The following GLI3 variants were observed in gnomAD, a reference collection of about 807,000 sequenced individuals.
GLI3 encodes transcription activator GLI3.
In GLI3, 20 loss-of-function variants were observed where a neutral mutation model predicts 100.8. The ratio of observed to expected loss-of-function variants is 0.20; its 90% CI spans 0.14 to 0.29. The LOEUF is 0.29. Among genes scored for constraint, GLI3 ranks in the 10% least tolerant of loss-of-function variants. GLI3 has a pLI of 1.00. For synonymous variants in GLI3, 938 were observed against 860.5 expected (o/e 1.09, Z -1.58); for missense variants, 2,040 against 2,128.5 (o/e 0.96, Z 0.82).
intron 3 of GLI3, among the ~76,000 whole-genome samples, chr7:42,129,115 A>G (rs1480346493): frequency 6.6e-6 from 1 of 152,248 alleles, no homozygotes; most frequent in Non-Finnish European, 1.5e-5. Context: ...GTACCAAAGA[A>G]TAAAATTTAC....
intron 3 of GLI3, among the ~76,000 whole-genome samples, chr7:42,082,403 C>G (rs1328372726): frequency 6.6e-6 from 1 of 152,118 alleles, no homozygotes. Flanking sequence ...TGACACGGCA[C>G]CAGAAATGAG....
chr7:42,055,052 C>T (rs10256446), intron 4 of GLI3, among the ~76,000 whole-genome samples: 37,851 of 128,942 alleles, frequency 0.29, 5,483 homozygotes, highest in African/African-American at 0.33. Flanking sequence ...TATATATATA[C>T]ACACACATAT....
chr7:42,173,467 T>G (rs1477846067), intron 2 of GLI3, among the ~76,000 whole-genome samples: 3 of 152,184 alleles, frequency 2.0e-5, no homozygotes, highest in Non-Finnish European at 4.4e-5. Flanking sequence ...ACTGTCTATT[T>G]TGGCTTTTGT....
At chr7:42,055,845 A>G (rs538113493) in intron 4 of GLI3, among the ~76,000 whole-genome samples, 1 of 152,352 alleles carries the variant, frequency 6.6e-6, no homozygotes, top group South Asian at 2.1e-4. Context: ...GAACATTTCA[A>G]TGATCTCTTC....
chr7:42,089,992 T>A (rs1052218603), intron 3 of GLI3, among the ~76,000 whole-genome samples: 1 of 152,236 alleles, frequency 6.6e-6, no homozygotes, highest in South Asian at 2.1e-4. Context: ...CTGTATGGTA[T>A]AGCCTATTAC....
intron 3 of GLI3, among the ~76,000 whole-genome samples, chr7:42,142,838 C>T (rs931916976): frequency 6.8e-6 from 1 of 146,512 alleles, no homozygotes; most frequent in African/African-American, 2.5e-5. Context: ...ACTCGGGAGG[C>T]TGAGGCAGGA....
chr7:41,968,761 AAG>A, intron 13 of GLI3, among the ~76,000 whole-genome samples: 1 of 79,058 alleles, frequency 1.3e-5, no homozygotes, highest in East Asian at 2.7e-4. Flanking sequence ...AGAAAGAAAG[AAG>A]GAAAGAAAGA....
intron 4 of GLI3, among the ~76,000 whole-genome samples, chr7:42,074,905 C>T (rs1027467434): frequency 2.6e-5 from 4 of 152,068 alleles, no homozygotes; most frequent in Non-Finnish European, 4.4e-5. Context: ...GTATCCAAAG[C>T]CTGGCTAAAA....
At chr7:42,151,436 G>C (rs950465221) in intron 2 of GLI3, 1 of 152,212 alleles carries the variant, frequency 6.6e-6, no homozygotes, top group African/African-American at 2.4e-5. Flanking sequence ...ATCTTGTTCA[G>C]TTGAGCCGAG....
At chr7:42,034,041 A>C (rs910402915) in intron 7 of GLI3, among the ~76,000 whole-genome samples, 1 of 152,224 alleles carries the variant, frequency 6.6e-6, no homozygotes, top group Non-Finnish European at 1.5e-5. Flanking sequence ...GCCATTAAGC[A>C]GCCAAATAGA....
chr7:42,115,173 C>T (rs1785821460), intron 3 of GLI3, among the ~76,000 whole-genome samples: 1 of 123,776 alleles, frequency 8.1e-6, no homozygotes, highest in Non-Finnish European at 1.6e-5. Context: ...GAGTCTCGCT[C>T]TGTCTCCCAG....
At chr7:42,128,356 G>A (rs150545829) in intron 3 of GLI3, among the ~76,000 whole-genome samples, 24 of 151,758 alleles carry the variant, frequency 1.6e-4, no homozygotes, top group African/African-American at 5.8e-4. Flanking sequence ...AATCCATTTG[G>A]TTAAAAAAAA....
chr7:42,118,950 G>A (rs761598640), intron 3 of GLI3, among the ~76,000 whole-genome samples: 7 of 151,906 alleles, frequency 4.6e-5, no homozygotes, highest in Non-Finnish European at 1.0e-4. Context: ...ACACCATTTG[G>A]GTGACCCTTT....
intron 7 of GLI3, among the ~76,000 whole-genome samples, chr7:42,026,966 G>A (rs904716282): frequency 4.6e-5 from 7 of 152,194 alleles, no homozygotes; most frequent in Non-Finnish European, 8.8e-5. Context: ...CATCAGTGCC[G>A]TCTGGTTACA....
At chr7:42,182,429 T>C (rs1480449847) in intron 2 of GLI3, among the ~76,000 whole-genome samples, 1 of 151,212 alleles carries the variant, frequency 6.6e-6, no homozygotes, top group African/African-American at 2.4e-5. Flanking sequence ...TTTATATCCT[T>C]GCTTTAAAAT....
intron 13 of GLI3, among the ~76,000 whole-genome samples, chr7:41,970,852 C>G (rs1265665426): frequency 6.6e-6 from 1 of 152,146 alleles, no homozygotes; most frequent in East Asian, 1.9e-4. Flanking sequence ...GTTGAATGTT[C>G]TGTACAATTA....
At chr7:42,010,748 A>C (rs1583786608) in intron 10 of GLI3, among the ~76,000 whole-genome samples, 1 of 152,234 alleles carries the variant, frequency 6.6e-6, no homozygotes, top group Non-Finnish European at 1.5e-5. Context: ...ATATGCACCA[A>C]GCAGCCATTA....
At chr7:42,089,458 T>C (rs993413423) in intron 3 of GLI3, among the ~76,000 whole-genome samples, 5 of 152,232 alleles carry the variant, frequency 3.3e-5, no homozygotes, top group Non-Finnish European at 7.3e-5. Context: ...CTACTGGTCA[T>C]CTTGACACCA....
intron 1 of GLI3, among the ~76,000 whole-genome samples, chr7:42,231,002 C>T (rs1228270624): frequency 3.3e-5 from 5 of 152,170 alleles, no homozygotes; most frequent in African/African-American, 9.7e-5. Flanking sequence ...TCCCTTGTCT[C>T]GCTTCCCTGA....
Sources: gnomAD v4.1 joint callset for allele counts (sites outside exome capture counted in the v4.1 genomes callset) on GRCh38, gnomAD v4.1.1 for gene constraint, MANE v1.5 for transcripts, NCBI Gene and HGNC (gene_info 2026-07-23, HGNC 2026-07-21) for gene names.